The following PLAT variants were observed in gnomAD, a reference collection of about 807,000 sequenced individuals.
PLAT encodes the protein tissue-type plasminogen activator.
Under a neutral mutation model 74.9 loss-of-function variants are expected in PLAT, and 48 were observed. The ratio of observed to expected loss-of-function variants is 0.64; its 90% confidence interval spans 0.51 to 0.82. PLAT has a LOEUF of 0.82. Ranked by LOEUF, PLAT falls within the 40% of genes least tolerant of loss-of-function variation. PLAT has a pLI of 0.00. For synonymous variants in PLAT, 307 were observed against 294.4 expected, an observed-to-expected ratio of 1.04 and a Z score of -0.44; for missense variants, 673 against 736.2, an observed-to-expected ratio of 0.91 and a Z score of 0.99.
At chr8:42,186,722 TTCTCTA>T (rs1367568890) in intron 6 of PLAT, 4 of 152,176 alleles carry the variant, frequency 2.6e-5, no homozygotes, top group East Asian at 3.9e-4. Context: ...TCTCTCCTCT[TTCTCTA>T]TCTCTATCTC....
rs1306744184 is a variant in PLAT at position 42,182,886 on chromosome 8, G to A, written c.636C>T (p.Asn212=). Residue 212 remains asparagine, a synonymous_variant, in exon 8 of 14, where the codon AAC becomes AAT. Transcript: ENST00000220809. ...FCSTPACSEG[N]SDCYFGNGSA... ...ACCCATTCCCAAAGTAGCAGTCACT[G>A]TTTCCTAGAAGAAAAGAATTCTCAA... 4 of 1,608,204 alleles carry A rather than the reference G, an allele frequency of 2.5e-6. No homozygotes were observed. The highest frequency in any genetic ancestry group is 2.7e-5 in the African/African-American group (2 of 74,580).
At chr8:42,198,773 C>G (rs1287890676) in intron 1 of PLAT, among the ~76,000 whole-genome samples, 1 of 152,134 alleles carries the variant, frequency 6.6e-6, no homozygotes, top group Non-Finnish European at 1.5e-5. Context: ...TGTTGCTTAG[C>G]AAAAGGTCTC....
At chr8:42,203,773 T>G (rs1233855022) in intron 1 of PLAT, among the ~76,000 whole-genome samples, 1 of 152,056 alleles carries the variant, frequency 6.6e-6, no homozygotes, top group Non-Finnish European at 1.5e-5. Context: ...GAGACTAGCC[T>G]GGGCAACAAA....
In PLAT at chr8:42,179,867, A is replaced by G. The variant is rs928669422; in HGVS notation, c.1363+59T>C. The stretch of plus-strand genomic sequence containing the variant: ...TCCTGACCCCATTTTCCTCTGGTGG[A>G]CCGCAGCCTCCCCTGCTGTCCCGCA... On this transcript the variant is annotated intron_variant, in intron 12 of 13. Transcript: ENST00000220809. 5.6e-5 allele frequency: 82 copies of G among 1,471,294 alleles called. No homozygotes were observed. The African/African-American group carries it at 1.0e-3, about 18-fold the overall frequency. The allele number at this position is 1,471,294 out of a possible 1,614,324, so 91.1% of individuals were successfully genotyped here. A position where few individuals can be genotyped will look rare whatever the true frequency, so the allele number is the denominator to read the frequency against.
At chr8:42,188,378 C>T in intron 4 of PLAT, 1 of 196,548 alleles carries the variant, frequency 5.1e-6, no homozygotes, top group African/African-American at 2.3e-5. Flanking sequence ...GAAGTGTGTA[C>T]TGTTATTCCC....
chr8:42,195,778 C>T (rs532351946), intron 1 of PLAT: 7 of 152,190 alleles, frequency 4.6e-5, no homozygotes, highest in Non-Finnish European at 1.0e-4. Context: ...GTGAAACTCC[C>T]TCCCCATTTC....
chr8:42,186,970 C>G (rs2129741424), intron 6 of PLAT: 1 of 156,134 alleles, frequency 6.4e-6, no homozygotes, highest in Middle Eastern at 3.2e-3. Flanking sequence ...TGTCTATCAT[C>G]TATGTATCTA....
intron 7 of PLAT, among the ~76,000 whole-genome samples, chr8:42,184,259 TAAAAA>T (rs944098434): frequency 2.0e-5 from 3 of 151,952 alleles, no homozygotes; most frequent in African/African-American, 7.3e-5. Flanking sequence ...ATTTAGAACT[TAAAAA>T]AAATCTTTCA....
chr8:42,187,372 A>G, intron 6 of PLAT, 26 bp downstream of exon 6: 3 of 1,533,132 alleles, frequency 2.0e-6, no homozygotes, highest in Admixed American at 1.9e-5. Context: ...CACAGGGGGA[A>G]TCCCTCCTTG....
intron 2 of PLAT, among the ~76,000 whole-genome samples, chr8:42,192,602 C>A (rs1369893021): frequency 6.6e-6 from 1 of 151,916 alleles, no homozygotes; most frequent in African/African-American, 2.4e-5. Context: ...TTATAACAAC[C>A]ATTTACATAG....
rs1014117466 is a variant in PLAT, at chr8:42,183,548, G to A, written c.632-658C>T. 2.0e-5 allele frequency among the ~76,000 whole-genome samples: 3 copies of A among 152,250 alleles called. No individual in the cohort carries two copies. The South Asian group carries it at 6.2e-4, about 32-fold the overall frequency. ...ACGTGCTTCAGTGGGGCTGGGGTGGGGGTTATTTCTCGGACTGTGTCTGCC... is the reference window on the plus strand; with the variant it reads ...ACGTGCTTCAGTGGGGCTGGGGTGGAGGTTATTTCTCGGACTGTGTCTGCC... On this transcript the variant is annotated intron_variant, in intron 7 of 13. Transcript: ENST00000220809.
At position 42,180,226 on chromosome 8, in the gene PLAT, A is replaced by T; in HGVS notation, c.1222+16T>A. The T allele has an allele frequency of 6.2e-7, 1 of 1,614,010 alleles. No individual in the cohort carries two copies. The highest frequency in any genetic ancestry group is 8.5e-7 in the Non-Finnish European group (1 of 1,179,902). The stretch of plus-strand genomic sequence containing the variant: ...GTGATCTGTATGAACTGGAGCCGGG[A>T]ATGACGAGCTCTTACCAATGTCATT... On this transcript the variant is annotated intron_variant, in intron 11 of 13. Transcript: ENST00000220809.
intron 1 of PLAT, among the ~76,000 whole-genome samples, chr8:42,203,289 G>A (rs8178684): frequency 0.054 from 8,204 of 152,274 alleles, 310 homozygotes; most frequent in Non-Finnish European, 0.082. Context: ...CCACCAGTGC[G>A]TGTGTCAGGA....
intron 4 of PLAT, 120 bp from the exon 5 acceptor site, chr8:42,188,136 G>A (rs1477304027): frequency 6.5e-6 from 4 of 615,138 alleles, no homozygotes; most frequent in Admixed American, 2.9e-5. Context: ...CGTGGAACAC[G>A]CGTATACCAG....
At chr8:42,205,172 C>T (rs191191145) in intron 1 of PLAT, among the ~76,000 whole-genome samples, 3 of 152,318 alleles carry the variant, frequency 2.0e-5, no homozygotes, top group African/African-American at 7.2e-5. Context: ...AAAGTCATCC[C>T]TCTGCTCACC....
chr8:42,191,153 T>C (rs1410712192), intron 3 of PLAT, among the ~76,000 whole-genome samples: 2 of 152,166 alleles, frequency 1.3e-5, no homozygotes, highest in East Asian at 3.8e-4. Context: ...GGGGAACACC[T>C]GTTTCTGCTC....
intron 7 of PLAT, 149 bp from the exon 8 acceptor site, chr8:42,183,039 T>C (rs1486176067): frequency 3.4e-6 from 2 of 594,228 alleles, no homozygotes; most frequent in East Asian, 3.0e-5. Flanking sequence ...ACTTCCCCTT[T>C]TGTTGCCCAG....
chr8:42,175,639 T>C lies in PLAT; in HGVS notation c.*354A>G, dbSNP rs903510393. On this transcript the variant is annotated 3_prime_UTR_variant, in exon 14 of 14. Coordinates refer to ENST00000220809, the MANE Select transcript of PLAT (RefSeq NM_000930.5). ...TTACTATTGAGACATGCTTTCATTT[T>C]TGTGGTCCTGTTTCCAAAGCTGCTC... 4.5e-4 allele frequency: 91 copies of C among 200,584 alleles called. No homozygotes were observed. The highest frequency in any genetic ancestry group is 1.4e-4 in the Non-Finnish European group (14 of 98,510). 12.4% of individuals were successfully genotyped at this position (200,584 alleles called of 1,614,324 possible). A position where few individuals can be genotyped will look rare whatever the true frequency, so the allele number is the denominator to read the frequency against.
intron 6 of PLAT, chr8:42,185,438 A>G (rs1805416387): frequency 3.8e-6 from 1 of 260,420 alleles, no homozygotes; most frequent in East Asian, 8.2e-5. Flanking sequence ...TAATTTTTGT[A>G]TTTTTAGTAG....
Sources: allele counts gnomAD v4.1 joint callset (sites outside exome capture counted in the v4.1 genomes callset), GRCh38; gene constraint gnomAD v4.1.1; transcripts MANE v1.5; gene names NCBI Gene and HGNC (gene_info 2026-07-23, HGNC 2026-07-21).